The following ADARB2 variants were observed in gnomAD, a reference collection of about 807,000 sequenced individuals.
ADARB2 encodes the protein inactive double-stranded RNA-specific editase B2.
ADARB2 carries 25 observed loss-of-function variants against 62.2 expected under a neutral mutation model. The ratio of observed to expected loss-of-function variants is 0.40; its 90% CI spans 0.29 to 0.56. ADARB2 has a LOEUF of 0.56. Among genes scored for constraint, ADARB2 ranks in the 20% least tolerant of loss-of-function variants. The pLI, the probability that ADARB2 is intolerant of heterozygous loss-of-function variation, is 0.43. For synonymous variants in ADARB2, 572 were observed against 500.8 expected (o/e 1.14, Z -1.90); for missense variants, 1,071 against 1,077.4 (o/e 0.99, Z 0.08).
At chr10:1,252,674 A>C (rs1461648077) in intron 4 of ADARB2, among the ~76,000 whole-genome samples, 6 of 150,740 alleles carry the variant, frequency 4.0e-5, no homozygotes, top group Non-Finnish European at 8.9e-5. Flanking sequence ...TTTTTTTTTA[A>C]ATCTTCTGGT....
intron 1 of ADARB2, among the ~76,000 whole-genome samples, chr10:1,682,634 A>G (rs901629242): frequency 6.6e-6 from 1 of 152,104 alleles, no homozygotes; most frequent in South Asian, 2.1e-4. Context: ...GCGTCACTCA[A>G]CTGCTTCTCA....
intron 1 of ADARB2, among the ~76,000 whole-genome samples, chr10:1,581,571 C>T (rs141012712): frequency 1.4e-4 from 22 of 152,242 alleles, no homozygotes; most frequent in African/African-American, 4.8e-4. Flanking sequence ...CAGTAACTAC[C>T]ACAGGGGTAG....
chr10:1,327,127 C>G lies in ADARB2; in HGVS notation c.1077+35901G>C, dbSNP rs1413609664. Among the ~76,000 whole-genome samples, 2 of 115,480 alleles carry G rather than the reference C, an allele frequency of 1.7e-5. 1 individual carries two copies. Among genetic ancestry groups the G allele is most frequent in the Non-Finnish European group, 3.9e-5 (2 of 51,824 alleles). The allele number at this position is 115,480 out of a possible 152,430, so 75.8% of individuals were successfully genotyped here. A position where few individuals can be genotyped will look rare whatever the true frequency, so the allele number is the denominator to read the frequency against. ...CTCCCCACGGCACAGCGCCTCACTG[C>G]ACAGCGCCTCCTCACTGCACAGTGC... On this transcript the variant is annotated intron_variant, in intron 3 of 9. Transcript: ENST00000381312.
At chr10:1,266,512 G>T (rs1204214173) in intron 4 of ADARB2, among the ~76,000 whole-genome samples, 1 of 7,692 alleles carries the variant, frequency 1.3e-4, no homozygotes. Flanking sequence ...GGTGGGGGGT[G>T]GGGGGGGGGC....
chr10:1,211,000 C>T (rs1225542928), intron 7 of ADARB2, among the ~76,000 whole-genome samples: 1 of 152,060 alleles, frequency 6.6e-6, no homozygotes, highest in Admixed American at 6.5e-5. Context: ...GGGCACTCTC[C>T]CTGCCAGCCC....
intron 3 of ADARB2, among the ~76,000 whole-genome samples, chr10:1,341,164 A>G (rs967748279): frequency 2.0e-5 from 3 of 151,536 alleles, no homozygotes; most frequent in Non-Finnish European, 2.9e-5. Context: ...ACCAGCATCC[A>G]CCAGAGAACC....
chr10:1,351,230 C>T (rs538518981), intron 3 of ADARB2, among the ~76,000 whole-genome samples: 40 of 152,294 alleles, frequency 2.6e-4, no homozygotes, highest in African/African-American at 9.1e-4. Flanking sequence ...TGACGCTGCC[C>T]GATCACCTCA....
chr10:1,251,622 A>C (rs187593864), intron 4 of ADARB2, among the ~76,000 whole-genome samples: 40 of 152,324 alleles, frequency 2.6e-4, no homozygotes, highest in African/African-American at 8.9e-4. Flanking sequence ...AAATAAAATA[A>C]GGGATAATGT....
At chr10:1,544,592 C>T (rs1325902912) in intron 1 of ADARB2, among the ~76,000 whole-genome samples, 1 of 152,038 alleles carries the variant, frequency 6.6e-6, no homozygotes, top group African/African-American at 2.4e-5. Flanking sequence ...AGGATAATGC[C>T]GGGGCCTGGA....
chr10:1,433,852 T>C (rs546844978), intron 1 of ADARB2, among the ~76,000 whole-genome samples: 1 of 152,360 alleles, frequency 6.6e-6, no homozygotes, highest in Non-Finnish European at 1.5e-5. Context: ...AATAATTTTA[T>C]AAATATAGGT....
At chr10:1,213,497 G>T (rs1026613414) in intron 7 of ADARB2, among the ~76,000 whole-genome samples, 66 of 152,260 alleles carry the variant, frequency 4.3e-4, no homozygotes, top group East Asian at 7.7e-4. Flanking sequence ...CCCCACACCT[G>T]GGCACCCCCC....
chr10:1,619,300 AAAAAAAAAG>A (rs796473434), intron 1 of ADARB2, among the ~76,000 whole-genome samples: 1,485 of 142,634 alleles, frequency 0.01, 11 homozygotes, highest in African/African-American at 0.021. Flanking sequence ...AAAAAAAAAA[AAAAAAAAAG>A]AAAAAATACG....
At chr10:1,378,457 T>C (rs967429843) in intron 2 of ADARB2, among the ~76,000 whole-genome samples, 4 of 152,204 alleles carry the variant, frequency 2.6e-5, no homozygotes, top group African/African-American at 9.7e-5. Context: ...GTTAATTTCT[T>C]GGAATAATTT....
chr10:1,662,581 C>G (rs1227629783), intron 1 of ADARB2, among the ~76,000 whole-genome samples: 1 of 152,280 alleles, frequency 6.6e-6, no homozygotes, highest in African/African-American at 2.4e-5. Context: ...GTAATTTTAC[C>G]ACAGCTATTA....
intron 1 of ADARB2, among the ~76,000 whole-genome samples, chr10:1,712,911 C>A (rs748703168): frequency 1.3e-5 from 2 of 151,998 alleles, no homozygotes; most frequent in Admixed American, 1.3e-4. Flanking sequence ...ACCCGGCCAC[C>A]ACCATTACTT....
intron 3 of ADARB2, among the ~76,000 whole-genome samples, chr10:1,302,498 G>C (rs112484764): frequency 6.7e-5 from 10 of 150,340 alleles, no homozygotes; most frequent in African/African-American, 2.4e-4. Context: ...CAAAGCAGCC[G>C]GGAAGCTCGA....
chr10:1,391,286 G>T (rs933532267), intron 1 of ADARB2, among the ~76,000 whole-genome samples: 1 of 152,210 alleles, frequency 6.6e-6, no homozygotes, highest in Non-Finnish European at 1.5e-5. Context: ...ATAGTGCTCA[G>T]CCTATGAGGG....
intron 1 of ADARB2, among the ~76,000 whole-genome samples, chr10:1,581,999 C>T (rs1402210322): frequency 6.6e-6 from 1 of 152,166 alleles, no homozygotes; most frequent in Non-Finnish European, 1.5e-5. Flanking sequence ...GTCCACTGAG[C>T]TTGGTTGACA....
At chr10:1,414,859 G>A (rs925125055) in intron 1 of ADARB2, among the ~76,000 whole-genome samples, 2 of 152,228 alleles carry the variant, frequency 1.3e-5, no homozygotes, top group African/African-American at 4.8e-5. Flanking sequence ...GGTGGATGAT[G>A]GGGGCTGGAT....
Sources: gnomAD v4.1 joint callset for allele counts (sites outside exome capture counted in the v4.1 genomes callset) on GRCh38, gnomAD v4.1.1 for gene constraint, MANE v1.5 for transcripts, NCBI Gene and HGNC (gene_info 2026-07-23, HGNC 2026-07-21) for gene names.